The following CSMD1 variants were observed in gnomAD, a reference collection of about 807,000 sequenced individuals.
The protein encoded by CSMD1 is CUB and Sushi multiple domains 1.
A neutral mutation model predicts 417.5 loss-of-function variants in CSMD1; 213 were observed. The ratio of observed to expected loss-of-function variants is 0.51; its 90% CI spans 0.46 to 0.57. The LOEUF is 0.57. Ranked by LOEUF, CSMD1 falls within the 20% of genes least tolerant of loss-of-function variation. CSMD1 has a pLI of 0.00. For synonymous variants in CSMD1, 2,862 were observed against 1,736.8 expected (o/e 1.65, Z -16.11); for missense variants, 6,923 against 4,529.7 (o/e 1.53, Z -15.17).
chr8:4,930,246 C>A (rs925204090), intron 1 of CSMD1, among the ~76,000 whole-genome samples: 1 of 152,136 alleles, frequency 6.6e-6, no homozygotes, highest in Non-Finnish European at 1.5e-5. Context: ...CTCGTGCTAA[C>A]TAATCACACA....
In CSMD1 at chr8:4,842,810, C is replaced by G. The variant is rs538502113; in HGVS notation, c.85+151522G>C. On this transcript the variant is annotated intron_variant, in intron 1 of 69. Transcript: ENST00000635120. ...CACATTAATGGTAACAATTTCAAAA[C>G]AGTGAGTCACTTTCTCAAAGTAGCG... 1.4e-4 allele frequency among the ~76,000 whole-genome samples: 21 copies of G among 152,346 alleles called. No homozygotes were observed. The East Asian group carries it at 3.9e-3, about 28-fold the overall frequency.
chr8:4,785,033 C>T (rs555538586), intron 1 of CSMD1, among the ~76,000 whole-genome samples: 6 of 152,144 alleles, frequency 3.9e-5, no homozygotes, highest in African/African-American at 1.4e-4. Flanking sequence ...GTTCTGGGCA[C>T]TGAATTATTA....
rs1016282184 is a variant in CSMD1, at chr8:4,423,859, G to T, written c.303-3794C>A. 3.3e-5 allele frequency among the ~76,000 whole-genome samples: 5 copies of T among 152,076 alleles called. No homozygotes were observed. In the South Asian group the frequency reaches 1.0e-3, roughly 32 times the overall value. Reference sequence around the variant, plus strand: ...AAGACTATTTGGTATCGGCAGATTGGCAAAGACATAAACCCGTATGTCAAT... The same window carrying T: ...AAGACTATTTGGTATCGGCAGATTGTCAAAGACATAAACCCGTATGTCAAT... On this transcript the variant is annotated intron_variant, in intron 2 of 69. Transcript: ENST00000635120.
intron 1 of CSMD1, among the ~76,000 whole-genome samples, chr8:4,752,240 TG>T (rs1190509015): frequency 2.0e-5 from 3 of 152,190 alleles, no homozygotes; most frequent in Non-Finnish European, 2.9e-5. Flanking sequence ...TTTGTCTCAG[TG>T]TATAACTGTG....
chr8:4,067,566 G>A (rs770776544), intron 3 of CSMD1, among the ~76,000 whole-genome samples: 5 of 152,114 alleles, frequency 3.3e-5, no homozygotes, highest in Admixed American at 6.5e-5. Flanking sequence ...GCCAGAATAA[G>A]TTTCAACAAC....
chr8:4,227,519 C>G (rs989402278), intron 3 of CSMD1, among the ~76,000 whole-genome samples: 1 of 152,068 alleles, frequency 6.6e-6, no homozygotes, highest in Non-Finnish European at 1.5e-5. Context: ...TAAATCCACA[C>G]ATTATAGACC....
intron 3 of CSMD1, among the ~76,000 whole-genome samples, chr8:4,392,874 C>G (rs1279798498): frequency 6.6e-6 from 1 of 151,826 alleles, no homozygotes; most frequent in Non-Finnish European, 1.5e-5. Flanking sequence ...GAGGCTAAGG[C>G]AGGAGAATTG....
intron 1 of CSMD1, among the ~76,000 whole-genome samples, chr8:4,937,164 G>C (rs979085186): frequency 6.6e-6 from 1 of 152,124 alleles, no homozygotes; most frequent in African/African-American, 2.4e-5. Context: ...AGTGAGCTCT[G>C]ATCCTGAGAC....
chr8:4,920,825 G>T (rs1365688373), intron 1 of CSMD1, among the ~76,000 whole-genome samples: 2 of 139,110 alleles, frequency 1.4e-5, no homozygotes, highest in Non-Finnish European at 3.0e-5. Flanking sequence ...CTCTGTCAAA[G>T]AAAAGAAAAA....
chr8:3,060,072 C>G (rs1199314327), intron 49 of CSMD1, among the ~76,000 whole-genome samples: 1 of 152,070 alleles, frequency 6.6e-6, no homozygotes, highest in Non-Finnish European at 1.5e-5. Context: ...TACTTTCCGG[C>G]TCTTTCTATG....
chr8:3,575,055 C>G lies in CSMD1; in HGVS notation c.1234G>C (p.Gly412Arg). 1 of 1,612,934 alleles carries G rather than the reference C, an allele frequency of 6.2e-7. No individual in the cohort carries two copies. The highest frequency in any genetic ancestry group is 8.5e-7 in the Non-Finnish European group (1 of 1,179,420). Reference sequence around the variant, plus strand: ...CCGCTGGGCCCACGCAGATTGGATCCACATGTTCTCGCTGGAAACACATAG... The same window carrying G: ...CCGCTGGGCCCACGCAGATTGGATCGACATGTTCTCGCTGGAAACACATAG... ...HRPICRARTC[G>R]SNLRGPSGVI... is the part of the protein sequence containing the mutation. The change falls in exon 10 of 70, where the codon GGA becomes CGA. Residue 412 changes from glycine (G) to arginine (R), a missense_variant. Coordinates refer to ENST00000635120, the MANE Select transcript of CSMD1 (RefSeq NM_033225.6).
At chr8:3,139,231 T>A (rs139902307) in intron 41 of CSMD1, among the ~76,000 whole-genome samples, 1 of 152,174 alleles carries the variant, frequency 6.6e-6, no homozygotes, top group Non-Finnish European at 1.5e-5. Context: ...CAGCTGTGAA[T>A]GGCCATCATG....
At chr8:4,252,871 G>C (rs979303156) in intron 3 of CSMD1, among the ~76,000 whole-genome samples, 2 of 152,204 alleles carry the variant, frequency 1.3e-5, no homozygotes, top group African/African-American at 4.8e-5. Context: ...ATGAGTGAAA[G>C]GCAAAGAGAA....
chr8:3,487,222 G>C (rs1429694208), intron 11 of CSMD1, among the ~76,000 whole-genome samples: 2 of 151,144 alleles, frequency 1.3e-5, no homozygotes, highest in African/African-American at 4.9e-5. Context: ...TAGTTTTTGA[G>C]ACAGAGTCTA....
chr8:4,383,132 C>G (rs537120421), intron 3 of CSMD1, among the ~76,000 whole-genome samples: 55 of 152,244 alleles, frequency 3.6e-4, no homozygotes, highest in African/African-American at 1.3e-3. Flanking sequence ...TTAAACTAAG[C>G]AACTTGATGA....
chr8:4,849,951 A>G (rs912874332), intron 1 of CSMD1, among the ~76,000 whole-genome samples: 2 of 152,120 alleles, frequency 1.3e-5, no homozygotes, highest in African/African-American at 2.4e-5. Context: ...GAATTACCAG[A>G]CTCTTTGCTA....
chr8:4,931,275 T>G (rs1807227377), intron 1 of CSMD1, among the ~76,000 whole-genome samples: 1 of 152,234 alleles, frequency 6.6e-6, no homozygotes, highest in South Asian at 2.1e-4. Flanking sequence ...TTGACATTAC[T>G]TTTGTTCTCT....
intron 1 of CSMD1, among the ~76,000 whole-genome samples, chr8:4,764,942 A>T (rs1209416562): frequency 6.6e-6 from 1 of 150,448 alleles, no homozygotes; most frequent in Non-Finnish European, 1.5e-5. Context: ...ATTTGAAGGT[A>T]ATTTCCATGT....
intron 68 of CSMD1, among the ~76,000 whole-genome samples, chr8:2,943,547 A>G (rs1387645292): frequency 6.6e-6 from 1 of 152,162 alleles, no homozygotes; most frequent in Admixed American, 6.6e-5. Context: ...CCTTTTGTCC[A>G]TTAGAAAGGA....
Sources: allele counts gnomAD v4.1 joint callset (sites outside exome capture counted in the v4.1 genomes callset), GRCh38; gene constraint gnomAD v4.1.1; transcripts MANE v1.5; gene names NCBI Gene and HGNC (gene_info 2026-07-23, HGNC 2026-07-21).